TTC7B: variants seen among roughly 807,000 people sequenced by gnomAD.
TTC7B encodes the protein tetratricopeptide repeat domain 7B, also known as tetratricopeptide repeat protein 7B.
Under a neutral mutation model 106.8 loss-of-function variants are expected in TTC7B, and 28 were observed. The ratio of observed to expected loss-of-function variants is 0.26; its 90% CI spans 0.19 to 0.36. TTC7B has a LOEUF of 0.36. Ranked by LOEUF, TTC7B falls within the 10% of genes least tolerant of loss-of-function variation. The pLI is 1.00. For missense variants in TTC7B, 862 were observed against 1,076.4 expected (o/e 0.80, Z 2.79); for synonymous variants, 405 against 430.6 (o/e 0.94, Z 0.74).
chr14:90,542,575 C>T lies in TTC7B; in HGVS notation c.2311-986G>A, dbSNP rs75659646. On this transcript the variant is annotated intron_variant, in intron 19 of 19. Transcript: ENST00000328459. Reference sequence around the variant, plus strand: ...ATCCAATCTCTTTGCTGTTCCAAATCGCACAGACATGAACATCTTTCCAGA... The same window carrying T: ...ATCCAATCTCTTTGCTGTTCCAAATTGCACAGACATGAACATCTTTCCAGA... Among the ~76,000 whole-genome samples the T allele has an allele frequency of 5.2e-3, 797 of 152,298 alleles. 10 individuals carry two copies. The highest frequency in any genetic ancestry group is 0.018 in the African/African-American group (756 of 41,570).
At chr14:90,772,526 CACAT>C (rs1890898278) in intron 3 of TTC7B, 1 of 152,176 alleles carries the variant, frequency 6.6e-6, no homozygotes, top group African/African-American at 2.4e-5. Flanking sequence ...AAAAAATTCA[CACAT>C]ACAGGAGGTG....
chr14:90,682,024 C>T (rs1408314641), intron 7 of TTC7B, among the ~76,000 whole-genome samples: 2 of 152,008 alleles, frequency 1.3e-5, no homozygotes, highest in Non-Finnish European at 2.9e-5. Context: ...TGTGCACGCA[C>T]ACACCCATAT....
chr14:90,732,456 C>T (rs1326686456), intron 4 of TTC7B, among the ~76,000 whole-genome samples: 1 of 152,214 alleles, frequency 6.6e-6, no homozygotes, highest in South Asian at 2.1e-4. Flanking sequence ...TGGCTCCCTG[C>T]AGCCTCAACC....
intron 7 of TTC7B, among the ~76,000 whole-genome samples, chr14:90,683,899 C>G (rs2139932495): frequency 6.6e-6 from 1 of 152,284 alleles, no homozygotes; most frequent in Middle Eastern, 3.4e-3. Context: ...CTTCAACATC[C>G]CTCTGCTTTC....
At chr14:90,745,067 G>A in intron 3 of TTC7B, 145 bp from the exon 4 acceptor site, 2 of 799,614 alleles carry the variant, frequency 2.5e-6, no homozygotes, top group South Asian at 3.6e-5. Context: ...TTTCAATCTG[G>A]ATGCTTTTTA....
intron 6 of TTC7B, among the ~76,000 whole-genome samples, chr14:90,689,925 G>C (rs1028239868): frequency 2.6e-5 from 4 of 152,142 alleles, no homozygotes; most frequent in Non-Finnish European, 4.4e-5. Flanking sequence ...ACACTTAAAA[G>C]GTTCATGTAC....
intron 3 of TTC7B, among the ~76,000 whole-genome samples, chr14:90,775,238 AC>A (rs1308027693): frequency 6.6e-6 from 1 of 152,102 alleles, no homozygotes; most frequent in Non-Finnish European, 1.5e-5. Context: ...TTGTGGTCAA[AC>A]CCAAGGGATA....
chr14:90,632,904 T>G (rs1477263547), intron 15 of TTC7B, among the ~76,000 whole-genome samples: 1 of 152,242 alleles, frequency 6.6e-6, no homozygotes, highest in Non-Finnish European at 1.5e-5. Context: ...GGTATAAACA[T>G]TAGTGGTTAC....
At chr14:90,628,971 G>C (rs553543977) in intron 15 of TTC7B, among the ~76,000 whole-genome samples, 1 of 152,244 alleles carries the variant, frequency 6.6e-6, no homozygotes, top group Admixed American at 6.5e-5. Flanking sequence ...ACGCTCCAGC[G>C]TGATTCTGCC....
chr14:90,660,957 C>T (rs1886179300), intron 9 of TTC7B, among the ~76,000 whole-genome samples: 1 of 152,246 alleles, frequency 6.6e-6, no homozygotes, highest in East Asian at 1.9e-4. Context: ...CTGCGGGCCT[C>T]ATCCTACGCC....
intron 17 of TTC7B, among the ~76,000 whole-genome samples, chr14:90,604,230 A>G (rs1289699479): frequency 6.6e-6 from 1 of 152,224 alleles, no homozygotes; most frequent in East Asian, 1.9e-4. Flanking sequence ...CAGACAATAA[A>G]CTCATCAAAA....
At chr14:90,645,087 T>G (rs558526022) in intron 14 of TTC7B, 2 of 152,368 alleles carry the variant, frequency 1.3e-5, no homozygotes, top group Non-Finnish European at 2.9e-5. Flanking sequence ...AGCTCTGGAC[T>G]GAAGCATTCT....
chr14:90,780,889 T>A lies in TTC7B; in HGVS notation c.294A>T (p.Glu98Asp). The change falls in exon 3 of 20, where the codon GAA (glutamate) becomes GAT (aspartate). Residue 98 changes from glutamate to aspartate, a missense_variant. Glu to Asp is a conservative substitution (Grantham distance 45). Coordinates refer to ENST00000328459, the MANE Select transcript of TTC7B (RefSeq NM_001010854.2). ...RGNLKSEFLQESNLIMAKLNY... is the reference protein window; with the variant it reads ...RGNLKSEFLQDSNLIMAKLNY... ...TCAACTTGGCCATGATCAGATTGGA[T>A]TCTTGTAGGAATTCTGACTAGAAGC... 1.2e-6 allele frequency: 2 copies of A among 1,614,236 alleles called. No homozygotes were observed. The highest frequency in any genetic ancestry group is 1.7e-6 in the Non-Finnish European group (2 of 1,180,020).
intron 4 of TTC7B, among the ~76,000 whole-genome samples, chr14:90,743,593 G>A (rs1161126074): frequency 6.6e-5 from 10 of 152,096 alleles, no homozygotes. Flanking sequence ...TCCTTGGTGA[G>A]AACTCCAGGA....
intron 2 of TTC7B, among the ~76,000 whole-genome samples, chr14:90,782,380 C>T (rs550515537): frequency 6.6e-6 from 1 of 152,316 alleles, no homozygotes; most frequent in East Asian, 1.9e-4. Context: ...AGGCAGATCA[C>T]TTGACGCCAG....
chr14:90,598,287 C>T (rs947870050), intron 17 of TTC7B, among the ~76,000 whole-genome samples: 7 of 152,214 alleles, frequency 4.6e-5, no homozygotes, highest in Non-Finnish European at 7.3e-5. Context: ...GGGCGTGTGA[C>T]GTCCTGGAGC....
intron 6 of TTC7B, among the ~76,000 whole-genome samples, chr14:90,692,029 C>T (rs4900058): frequency 0.091 from 13,829 of 152,258 alleles, 825 homozygotes; most frequent in Middle Eastern, 0.14. Flanking sequence ...TCAGTATCAT[C>T]GTGTATGTAT....
chr14:90,578,385 C>T lies in TTC7B; in HGVS notation c.2108-77G>A, dbSNP rs1056349611. The T allele has an allele frequency of 4.8e-6, 7 of 1,471,998 alleles. No homozygotes were observed. Among genetic ancestry groups the T allele is most frequent in the Middle Eastern group, 1.8e-4 (1 of 5,578 alleles). 91.2% of individuals were successfully genotyped at this position (1,471,998 alleles called of 1,614,324 possible). A position where few individuals can be genotyped will look rare whatever the true frequency, so the allele number is the denominator to read the frequency against. The stretch of plus-strand genomic sequence containing the variant: ...TGCGAGCAGCCACCACTCTGATGTT[C>T]GTGTTCCCTGCACGGGAGTCTGGCG... On this transcript the variant is annotated intron_variant, in intron 18 of 19. Coordinates refer to ENST00000328459, the MANE Select transcript of TTC7B (RefSeq NM_001010854.2). This position sits in a 1 kb window ranked among gnomAD's most constrained non-coding sequence, Gnocchi z 4.7.
At chr14:90,604,919 C>A (rs1023532788) in intron 17 of TTC7B, among the ~76,000 whole-genome samples, 9 of 152,162 alleles carry the variant, frequency 5.9e-5, no homozygotes, top group African/African-American at 2.2e-4. Flanking sequence ...CATAGTTTCA[C>A]GACACAAACC....
Sources: gnomAD v4.1 joint callset for allele counts (sites outside exome capture counted in the v4.1 genomes callset) on GRCh38, gnomAD v4.1.1 for gene constraint, Gnocchi (gnomAD v3.1) non-coding constraint, MANE v1.5 for transcripts, NCBI Gene and HGNC (gene_info 2026-07-23, HGNC 2026-07-21) for gene names.